CALCRL: variants seen among roughly 807,000 people sequenced by gnomAD.
The protein encoded by CALCRL is calcitonin receptor like receptor, also known as calcitonin gene-related peptide type 1 receptor.
CALCRL carries 27 observed loss-of-function variants against 60.4 expected under a neutral mutation model. The observed-to-expected ratio is 0.45, with a 90% CI of 0.33 to 0.62. The LOEUF (loss-of-function observed/expected upper bound fraction) is 0.62, where lower values mean the gene tolerates loss of function less well. Ranked by LOEUF, CALCRL falls within the 20% of genes least tolerant of loss-of-function variation. CALCRL has a pLI of 0.03. For missense variants in CALCRL, 424 were observed against 540.7 expected (o/e 0.78, Z 2.14); for synonymous variants, 190 against 182.6 (o/e 1.04, Z -0.33).
At chr2:187,348,406 G>A (rs555694964) in intron 14 of CALCRL, among the ~76,000 whole-genome samples, 1 of 151,722 alleles carries the variant, frequency 6.6e-6, no homozygotes, top group Non-Finnish European at 1.5e-5. Flanking sequence ...AATCAATATA[G>A]TTTCTGGTTG....
chr2:187,346,222 C>T lies in CALCRL; in HGVS notation c.1348G>A (p.Glu450Lys), dbSNP rs762193098. 6.2e-7 allele frequency: 1 copy of T among 1,610,770 alleles called. No individual in the cohort carries two copies. The highest frequency in any genetic ancestry group is 1.1e-5 in the South Asian group (1 of 90,826). The change falls in exon 15 of 15, where the codon GAA (glutamate) becomes AAA (lysine). Residue 450 changes from glutamate (E) to lysine (K), a missense_variant. Physicochemically the swap from Glu to Lys is moderately conservative, Grantham distance 56. Coordinates refer to ENST00000392370, the MANE Select transcript of CALCRL (RefSeq NM_005795.6). ...HLNGKSIHDI[E>K]NVLLKPENLY... ...TTTTCTGGTTTTAAGAGAACATTTT[C>T]AATATCATGGATGCTTTTTCCATTT...
intron 8 of CALCRL, among the ~76,000 whole-genome samples, chr2:187,367,735 T>C (rs751969147): frequency 2.0e-5 from 3 of 152,108 alleles, no homozygotes; most frequent in Admixed American, 6.6e-5. Context: ...AATCCTTCGA[T>C]TTCTTTAAAT....
intron 12 of CALCRL, among the ~76,000 whole-genome samples, chr2:187,356,691 A>G (rs1559039819): frequency 6.6e-6 from 1 of 152,208 alleles, no homozygotes; most frequent in Non-Finnish European, 1.5e-5. Flanking sequence ...CTGCACAGCA[A>G]AACAATCACC....
intron 1 of CALCRL, among the ~76,000 whole-genome samples, chr2:187,411,278 TATAA>T (rs1689344963): frequency 6.6e-6 from 1 of 152,212 alleles, no homozygotes. Context: ...TCTATATAAC[TATAA>T]ATAAGACTAC....
At chr2:187,417,773 T>C (rs1242577454) in intron 1 of CALCRL, among the ~76,000 whole-genome samples, 1 of 152,170 alleles carries the variant, frequency 6.6e-6, no homozygotes, top group Non-Finnish European at 1.5e-5. Context: ...TATTTTTATA[T>C]TGAAATAATT....
chr2:187,420,798 GTAA>G (rs1481761851), intron 1 of CALCRL, among the ~76,000 whole-genome samples: 3 of 152,092 alleles, frequency 2.0e-5, no homozygotes, highest in Non-Finnish European at 4.4e-5. Flanking sequence ...CACAAATACA[GTAA>G]TAATCCATAT....
At chr2:187,414,976 T>G (rs1242588858) in intron 1 of CALCRL, among the ~76,000 whole-genome samples, 1 of 151,974 alleles carries the variant, frequency 6.6e-6, no homozygotes. Context: ...AAGAAATACA[T>G]TTTCTTTGTT....
chr2:187,439,449 G>A (rs1033336925), intron 1 of CALCRL, among the ~76,000 whole-genome samples: 57 of 151,830 alleles, frequency 3.8e-4, no homozygotes, highest in African/African-American at 1.4e-3. Context: ...GCAAGACTGT[G>A]TTTCAAATAA....
Position 187,380,589 on chromosome 2 carries a change from T to TA in CALCRL, c.296-11dup, listed in dbSNP as rs574900767. 235 of 1,582,198 alleles carry TA rather than the reference T, an allele frequency of 1.5e-4. No homozygotes were observed. The highest frequency in any genetic ancestry group is 4.0e-4 in the East Asian group (18 of 44,492). The stretch of plus-strand genomic sequence containing the variant: ...ATCTTTGTAACTTTTTCTTTAAAAT[T>TA]AAAAAAAAAGGGAAAACAGGAATTT... On this transcript the variant is annotated splice_polypyrimidine_tract_variant and intron_variant, in intron 6 of 14. Coordinates refer to ENST00000392370, the MANE Select transcript of CALCRL (RefSeq NM_005795.6).
At chr2:187,438,075 G>T (rs1311081920) in intron 1 of CALCRL, among the ~76,000 whole-genome samples, 1 of 151,946 alleles carries the variant, frequency 6.6e-6, no homozygotes, top group Non-Finnish European at 1.5e-5. Flanking sequence ...TGACATTTCT[G>T]GTAAATGAAT....
chr2:187,360,798 C>T (rs1458093043), intron 9 of CALCRL, 47 bp from the exon 10 acceptor site: 9 of 1,544,416 alleles, frequency 5.8e-6, no homozygotes, highest in South Asian at 2.4e-5. Flanking sequence ...TATGAATTCA[C>T]ATGTAAAGCA....
intron 1 of CALCRL, among the ~76,000 whole-genome samples, chr2:187,418,003 A>G (rs1206966114): frequency 3.9e-5 from 6 of 152,154 alleles, no homozygotes; most frequent in African/African-American, 7.2e-5. Context: ...TCTTTGCCCA[A>G]TTCCCACTGT....
At chr2:187,349,957 T>G (rs1686453267) in intron 14 of CALCRL, among the ~76,000 whole-genome samples, 1 of 151,680 alleles carries the variant, frequency 6.6e-6, no homozygotes, top group South Asian at 2.1e-4. Flanking sequence ...GCTAAAAACT[T>G]TATCTTTCTT....
chr2:187,445,564 T>C (rs1007408013), intron 1 of CALCRL, among the ~76,000 whole-genome samples: 7 of 151,548 alleles, frequency 4.6e-5, no homozygotes, highest in Non-Finnish European at 1.0e-4. Flanking sequence ...CAAAATATTT[T>C]TACAATGTTT....
chr2:187,446,344 T>G (rs1319848709), intron 1 of CALCRL, among the ~76,000 whole-genome samples: 1 of 151,728 alleles, frequency 6.6e-6, no homozygotes, highest in African/African-American at 2.4e-5. Context: ...AAATATTTCC[T>G]TTGGCTAATG....
At chr2:187,428,436 TC>T (rs1486967600) in intron 1 of CALCRL, 1 of 152,206 alleles carries the variant, frequency 6.6e-6, no homozygotes, top group Non-Finnish European at 1.5e-5. Flanking sequence ...CAAAAATGAA[TC>T]TTTTGAATCT....
intron 1 of CALCRL, among the ~76,000 whole-genome samples, chr2:187,415,296 G>A (rs939123873): frequency 1.2e-4 from 18 of 152,220 alleles, no homozygotes; most frequent in African/African-American, 1.7e-4. Flanking sequence ...ACATGAAAAC[G>A]GGTTTTGAAA....
intron 10 of CALCRL, among the ~76,000 whole-genome samples, chr2:187,359,858 G>T (rs929937615): frequency 1.3e-5 from 2 of 151,986 alleles, no homozygotes; most frequent in Non-Finnish European, 2.9e-5. Context: ...GGGTGTGCGT[G>T]TGTGTGTATA....
intron 8 of CALCRL, among the ~76,000 whole-genome samples, chr2:187,378,134 A>G (rs74865511): frequency 0.059 from 8,888 of 151,742 alleles, 375 homozygotes; most frequent in East Asian, 0.18. Context: ...AAGAAGGAGA[A>G]GGAGAAGAAG....
Sources: gnomAD v4.1 joint callset for allele counts (sites outside exome capture counted in the v4.1 genomes callset) on GRCh38, gnomAD v4.1.1 for gene constraint, MANE v1.5 for transcripts, NCBI Gene and HGNC (gene_info 2026-07-23, HGNC 2026-07-21) for gene names.